The following RHOBTB2 variants were observed in gnomAD, a reference collection of about 807,000 sequenced individuals.
RHOBTB2 encodes the protein rho-related BTB domain-containing protein 2.
RHOBTB2 carries 39 observed loss-of-function variants against 66.5 expected under a neutral mutation model. The ratio of observed to expected loss-of-function variants is 0.59; its 90% CI spans 0.45 to 0.77. The LOEUF (loss-of-function observed/expected upper bound fraction) is 0.77, where lower values mean the gene tolerates loss of function less well. Among genes scored for constraint, RHOBTB2 ranks in the 30% least tolerant of loss-of-function variants. The probability of loss-of-function intolerance (pLI) is 0.00; values close to 1 mark genes in which losing one functional copy is unlikely to be tolerated. For synonymous variants in RHOBTB2, 390 were observed against 395.0 expected (o/e 0.99, Z 0.15); for missense variants, 755 against 999.1 (o/e 0.76, Z 3.29).
chr8:23,010,430 C>G (rs909140394), intron 6 of RHOBTB2, 108 bp from the exon 7 acceptor site: 15 of 1,298,434 alleles, frequency 1.2e-5, no homozygotes, highest in Non-Finnish European at 1.6e-5. Flanking sequence ...GGCTGCCCGT[C>G]TGGGGGAGCC....
chr8:23,004,479 C>T lies in RHOBTB2; in HGVS notation c.45C>T (p.Ile15=). 1 of 1,614,250 alleles carries T rather than the reference C, an allele frequency of 6.2e-7. No individual in the cohort carries two copies. Among genetic ancestry groups the T allele is most frequent in the African/African-American group, 1.3e-5 (1 of 75,066 alleles). Residue 15 remains isoleucine (I), a synonymous_variant, in exon 2 of 10, where the codon ATC becomes ATT. Coordinates refer to ENST00000251822, the MANE Select transcript of RHOBTB2 (RefSeq NM_015178.3). This position sits in a 1 kb window ranked among gnomAD's most constrained non-coding sequence, Gnocchi z 6.4. ...ATGAAAGGCCAAACGTAGAGACCATCAAGTGCGTTGTGGTGGGGGACAACG... is the reference window on the plus strand; with the variant it reads ...ATGAAAGGCCAAACGTAGAGACCATTAAGTGCGTTGTGGTGGGGGACAACG... ...MDYERPNVET[I]KCVVVGDNAV...
At chr8:22,974,054 C>T in the RHOBTB2 span, among the ~76,000 whole-genome samples, 1 of 152,188 alleles carries the variant, frequency 6.6e-6, no homozygotes, top group African/African-American at 2.4e-5. Context: ...CGACCAGCTC[C>T]TCAAGGGATG....
At chr8:22,982,638 C>T (rs1025051103), upstream of RHOBTB2, among the ~76,000 whole-genome samples, 8 of 152,132 alleles carry the variant, frequency 5.3e-5, no homozygotes, top group South Asian at 2.1e-4. Context: ...GCTGTGATTG[C>T]GCCACTGCAC....
At chr8:22,969,245 G>A in the RHOBTB2 span, among the ~76,000 whole-genome samples, 1 of 152,086 alleles carries the variant, frequency 6.6e-6, no homozygotes, top group African/African-American at 2.4e-5. Context: ...GAACAGTATG[G>A]GGTAACCCCC....
chr8:22,960,479 C>T, the RHOBTB2 span, among the ~76,000 whole-genome samples: 1 of 151,706 alleles, frequency 6.6e-6, no homozygotes, highest in Non-Finnish European at 1.5e-5. Context: ...CCACCACGCC[C>T]GGCTAATTTT....
At chr8:22,996,626 C>G (rs947619686), upstream of RHOBTB2, among the ~76,000 whole-genome samples, 3 of 150,466 alleles carry the variant, frequency 2.0e-5, no homozygotes, top group Non-Finnish European at 2.9e-5. Context: ...AGGCCAGGAG[C>G]TTTTGTCTCC....
chr8:22,974,198 A>C, the RHOBTB2 span, among the ~76,000 whole-genome samples: 4 of 152,122 alleles, frequency 2.6e-5, no homozygotes, highest in African/African-American at 9.6e-5. Context: ...AGGGCAGGGG[A>C]GACTGGTTTG....
At position 23,009,705 on chromosome 8, in the gene RHOBTB2, G is replaced by C. The variant is rs149220507; in HGVS notation, c.1621-833G>C. Among the ~76,000 whole-genome samples the C allele has an allele frequency of 5.3e-5, 8 of 152,360 alleles. No homozygotes were observed. The East Asian group carries it at 1.3e-3, about 26-fold the overall frequency. On this transcript the variant is annotated intron_variant, in intron 6 of 9. Transcript: ENST00000251822. Reference sequence around the variant, plus strand: ...GTGATGTGGAATGTGCATTTTCTAAGATTTCTGGGAAGGAAGTACTTAAGG... The same window carrying C: ...GTGATGTGGAATGTGCATTTTCTAACATTTCTGGGAAGGAAGTACTTAAGG...
the RHOBTB2 span, among the ~76,000 whole-genome samples, chr8:22,958,698 G>A: frequency 6.7e-6 from 1 of 149,612 alleles, no homozygotes; most frequent in South Asian, 2.1e-4. Context: ...CTACATGGGA[G>A]GCTGAGGTGG....
At chr8:23,013,710 G>C (rs1382088098) in intron 7 of RHOBTB2, among the ~76,000 whole-genome samples, 1 of 152,042 alleles carries the variant, frequency 6.6e-6, no homozygotes, top group Non-Finnish European at 1.5e-5. Flanking sequence ...TGGCCAGGCT[G>C]GTCTTGAACT....
chr8:22,954,540 C>T, the RHOBTB2 span, among the ~76,000 whole-genome samples: 1 of 152,274 alleles, frequency 6.6e-6, no homozygotes, highest in African/African-American at 2.4e-5. Flanking sequence ...GCAGTGGTGA[C>T]ATTTCAAGTG....
the RHOBTB2 span, among the ~76,000 whole-genome samples, chr8:22,967,836 A>C: frequency 6.6e-6 from 1 of 151,768 alleles, no homozygotes; most frequent in Admixed American, 6.6e-5. Flanking sequence ...TGTAGTACTT[A>C]ATGTCAGTGA....
At chr8:22,971,879 G>A in the RHOBTB2 span, among the ~76,000 whole-genome samples, 1 of 152,162 alleles carries the variant, frequency 6.6e-6, no homozygotes, top group Non-Finnish European at 1.5e-5. Flanking sequence ...CCCTATCTAA[G>A]TTGATTTACC....
At chr8:22,958,815 A>AAAAG in the RHOBTB2 span, among the ~76,000 whole-genome samples, 1 of 150,936 alleles carries the variant, frequency 6.6e-6, no homozygotes, top group African/African-American at 2.4e-5. Context: ...AAAAAAAAAA[A>AAAAG]AAAAAAAAAA....
chr8:22,982,919 C>T (rs541316677), upstream of RHOBTB2, among the ~76,000 whole-genome samples: 2 of 152,266 alleles, frequency 1.3e-5, no homozygotes, highest in East Asian at 1.9e-4. Context: ...GCAGAAGGGC[C>T]GAACAAGCTT....
upstream of RHOBTB2, chr8:22,984,673 A>G (rs2128794067): frequency 6.6e-6 from 1 of 152,348 alleles, no homozygotes; most frequent in African/African-American, 2.4e-5. Context: ...ATCCCAGCAC[A>G]GTACTTTGGT....
intron 6 of RHOBTB2, 65 bp downstream of exon 6, chr8:23,008,176 C>T: frequency 9.2e-7 from 1 of 1,089,596 alleles, no homozygotes; most frequent in Non-Finnish European, 1.4e-6. Context: ...ACATCTGAGG[C>T]ACTGCCACTC....
At chr8:22,953,539 C>T in the RHOBTB2 span, among the ~76,000 whole-genome samples, 2 of 152,198 alleles carry the variant, frequency 1.3e-5, no homozygotes, top group African/African-American at 4.8e-5. Flanking sequence ...CCTGCATTTT[C>T]GTTGCAATGG....
intron 6 of RHOBTB2, 37 bp from the exon 7 acceptor site, chr8:23,010,501 G>C (rs776771647): frequency 5.0e-6 from 8 of 1,595,146 alleles, no homozygotes; most frequent in Non-Finnish European, 6.8e-6. Context: ...TCCTAAGCAG[G>C]ATCTCATTGC....
Sources: allele counts gnomAD v4.1 joint callset (sites outside exome capture counted in the v4.1 genomes callset), GRCh38; gene constraint gnomAD v4.1.1; non-coding constraint Gnocchi (gnomAD v3.1); transcripts MANE v1.5; gene names NCBI Gene and HGNC (gene_info 2026-07-23, HGNC 2026-07-21).